The following AASDHPPT variants were observed in gnomAD, a reference collection of about 807,000 sequenced individuals.
AASDHPPT encodes L-aminoadipate-semialdehyde dehydrogenase-phosphopantetheinyl transferase.
AASDHPPT carries 23 observed loss-of-function variants against 36.4 expected under a neutral mutation model. The ratio of observed to expected loss-of-function variants is 0.63; its 90% CI spans 0.45 to 0.89. AASDHPPT has a LOEUF of 0.89. Among genes scored for constraint, AASDHPPT ranks in the 40% least tolerant of loss-of-function variants. AASDHPPT has a pLI of 0.00. For missense variants in AASDHPPT, 377 were observed against 378.2 expected (o/e 1.00, Z 0.03); for synonymous variants, 115 against 128.0 (o/e 0.90, Z 0.68).
At chr11:106,078,271 A>G (rs901182861) in intron 1 of AASDHPPT, among the ~76,000 whole-genome samples, 8 of 152,084 alleles carry the variant, frequency 5.3e-5, no homozygotes, top group African/African-American at 1.9e-4. Context: ...TTCATAGCCT[A>G]TGCTTATTCT....
At chr11:106,094,502 T>G in intron 4 of AASDHPPT, 81 bp from the exon 5 acceptor site, 1 of 1,018,602 alleles carries the variant, frequency 9.8e-7, no homozygotes, top group Non-Finnish European at 1.4e-6. Context: ...AGAGAGAGAA[T>G]GAGATTTAGA....
chr11:106,087,816 G>A (rs890619022), intron 2 of AASDHPPT, among the ~76,000 whole-genome samples: 1 of 152,134 alleles, frequency 6.6e-6, no homozygotes, highest in Non-Finnish European at 1.5e-5. Context: ...TGGAAGATCA[G>A]GTTTTTCTAA....
chr11:106,084,816 C>T (rs112118014), intron 2 of AASDHPPT, among the ~76,000 whole-genome samples: 10,249 of 151,758 alleles, frequency 0.068, 496 homozygotes, highest in Middle Eastern at 0.11. Flanking sequence ...AGTTTCACCA[C>T]GTTGGCCAGG....
At chr11:106,095,848 C>G (rs1348098921) in intron 5 of AASDHPPT, 1 of 152,162 alleles carries the variant, frequency 6.6e-6, no homozygotes. Flanking sequence ...CAGCTTCACA[C>G]TCCCTGCAAA....
chr11:106,080,677 A>G (rs1366125538), intron 2 of AASDHPPT, among the ~76,000 whole-genome samples: 2 of 152,238 alleles, frequency 1.3e-5, no homozygotes, highest in African/African-American at 4.8e-5. Flanking sequence ...CTATTTTTAA[A>G]GAAAATAAGT....
chr11:106,082,453 C>CT (rs1197289557), intron 2 of AASDHPPT, among the ~76,000 whole-genome samples: 1 of 152,134 alleles, frequency 6.6e-6, no homozygotes, highest in Non-Finnish European at 1.5e-5. Context: ...GGAAAGTACT[C>CT]TGTTTTGTAC....
At chr11:106,081,593 A>G (rs1424427347) in intron 2 of AASDHPPT, among the ~76,000 whole-genome samples, 1 of 152,124 alleles carries the variant, frequency 6.6e-6, no homozygotes, top group African/African-American at 2.4e-5. Context: ...TGGAAAGGCC[A>G]TTGTTTTTTA....
chr11:106,095,737 C>T (rs1271241991), intron 5 of AASDHPPT: 2 of 152,162 alleles, frequency 1.3e-5, no homozygotes, highest in African/African-American at 4.8e-5. Flanking sequence ...TACGAGTTCT[C>T]CATAGATTAT....
chr11:106,091,584 C>A, intron 4 of AASDHPPT, 107 bp downstream of exon 4: 1 of 1,099,756 alleles, frequency 9.1e-7, no homozygotes, highest in East Asian at 2.7e-5. Context: ...CAACTGAATC[C>A]AGTCCTGCTG....
At position 106,098,174 on chromosome 11, in the gene AASDHPPT, TG is replaced by T. The variant is rs1405084450; in HGVS notation, c.*1269del. ...AATTTTTGCCAATGTAATTAAAAAA[TG>T]GTATGTCATTTTTAAAATTTGTATT... On this transcript the variant is annotated 3_prime_UTR_variant, in exon 6 of 6. Coordinates refer to ENST00000278618, the MANE Select transcript of AASDHPPT (RefSeq NM_015423.3). 5 of 152,134 alleles carry T rather than the reference TG, an allele frequency of 3.3e-5. No individual in the cohort carries two copies. Among genetic ancestry groups the T allele is most frequent in the African/African-American group, 1.2e-4 (5 of 41,436 alleles). The allele number at this position is 152,134 out of a possible 1,614,324, so 9.4% of individuals were successfully genotyped here.
chr11:106,082,488 C>T (rs1030958818), intron 2 of AASDHPPT, among the ~76,000 whole-genome samples: 1 of 152,196 alleles, frequency 6.6e-6, no homozygotes, highest in Admixed American at 6.5e-5. Flanking sequence ...AGATTGCCAA[C>T]TCTAAAGACA....
intron 5 of AASDHPPT, chr11:106,096,506 T>G: frequency 3.1e-6 from 1 of 319,584 alleles, no homozygotes; most frequent in Non-Finnish European, 5.6e-6. Context: ...ACATGTAAAA[T>G]ACCACAGGTT....
At chr11:106,088,741 C>A (rs1230503517) in intron 2 of AASDHPPT, among the ~76,000 whole-genome samples, 2 of 151,954 alleles carry the variant, frequency 1.3e-5, no homozygotes, top group Non-Finnish European at 2.9e-5. Flanking sequence ...GGAGTAAACA[C>A]CAGACAACAA....
chr11:106,084,252 ATG>A (rs1467383239), intron 2 of AASDHPPT, among the ~76,000 whole-genome samples: 19 of 152,196 alleles, frequency 1.2e-4, no homozygotes, highest in Non-Finnish European at 1.6e-4. Flanking sequence ...TTGGAAAATA[ATG>A]TTAAAATTGA....
In AASDHPPT at chr11:106,091,433, C is replaced by T. The variant is rs1339454529; in HGVS notation, c.649C>T (p.Arg217Cys). 3.8e-6 allele frequency: 6 copies of T among 1,598,826 alleles called. No individual in the cohort carries two copies. Among genetic ancestry groups the T allele is most frequent in the Non-Finnish European group, 5.1e-6 (6 of 1,175,128 alleles). ...TATAGGCCAAGTTTATAAAGAAACA[C>T]GTTTATTCCTGGATGGAGAGGAAGA... ...LDIGQVYKET[R>C]LFLDGEEEKE... is the part of the protein sequence containing the mutation. Residue 217 changes from arginine (R) to cysteine (C), a missense_variant, in exon 4 of 6, where the codon CGT becomes TGT. Physicochemically the swap from Arg to Cys is radical, Grantham distance 180 (BLOSUM62 -3). Coordinates refer to ENST00000278618, the MANE Select transcript of AASDHPPT (RefSeq NM_015423.3).
chr11:106,081,036 G>A (rs1861133128), intron 2 of AASDHPPT, among the ~76,000 whole-genome samples: 1 of 152,148 alleles, frequency 6.6e-6, no homozygotes, highest in African/African-American at 2.4e-5. Flanking sequence ...ATACTTAAAA[G>A]CTGTGTGAGA....
intron 2 of AASDHPPT, among the ~76,000 whole-genome samples, chr11:106,088,069 A>G (rs1282173442): frequency 6.6e-6 from 1 of 152,150 alleles, no homozygotes; most frequent in Non-Finnish European, 1.5e-5. Flanking sequence ...TTACGAAATC[A>G]CCTTTTCCTA....
intron 3 of AASDHPPT, 136 bp from the exon 4 acceptor site, chr11:106,091,179 GT>G (rs960611265): frequency 1.4e-4 from 96 of 681,522 alleles, no homozygotes; most frequent in Middle Eastern, 4.3e-4. Flanking sequence ...TGCTGTAAGG[GT>G]TTTTTTTTAA....
rs570378242 is a variant in AASDHPPT, at chr11:106,091,210, C to T, written c.532-106C>T. 6 of 924,496 alleles carry T rather than the reference C, an allele frequency of 6.5e-6. No homozygotes were observed. The South Asian group carries it at 1.1e-4, about 16-fold the overall frequency. 57.3% of individuals were successfully genotyped at this position (924,496 alleles called of 1,614,324 possible). A position where few individuals can be genotyped will look rare whatever the true frequency, so the allele number is the denominator to read the frequency against. On this transcript the variant is annotated intron_variant, in intron 3 of 5. Coordinates refer to ENST00000278618, the MANE Select transcript of AASDHPPT (RefSeq NM_015423.3). ...TTTTAAAAAGGTTATAGCTATATAG[C>T]CATAATGTAGTATAGCATTGAAACT...
Sources: gnomAD v4.1 joint callset for allele counts (sites outside exome capture counted in the v4.1 genomes callset) on GRCh38, gnomAD v4.1.1 for gene constraint, MANE v1.5 for transcripts, NCBI Gene and HGNC (gene_info 2026-07-23, HGNC 2026-07-21) for gene names.